The following PDCD1LG2 variants were observed in gnomAD, a reference collection of about 807,000 sequenced individuals.
The protein encoded by PDCD1LG2 is B7 dendritic cell molecule.
Under a neutral mutation model 28.2 loss-of-function variants are expected in PDCD1LG2, and 32 were observed. That is an observed-to-expected ratio of 1.13 (90% CI 0.86 to 1.52). The LOEUF is 1.52. Ranked by LOEUF, PDCD1LG2 falls within the 40% of genes most tolerant of loss-of-function variation. The pLI is 0.00. For synonymous variants in PDCD1LG2, 116 were observed against 120.2 expected (o/e 0.97, Z 0.23); for missense variants, 385 against 323.8 (o/e 1.19, Z -1.45).
intron 1 of PDCD1LG2, among the ~76,000 whole-genome samples, chr9:5,515,929 A>AG (rs1434793801): frequency 7.5e-6 from 1 of 133,216 alleles, no homozygotes; most frequent in Non-Finnish European, 1.7e-5. Flanking sequence ...TCTCAAAAAA[A>AG]AAAAAAAAAA....
intron 3 of PDCD1LG2, among the ~76,000 whole-genome samples, chr9:5,538,865 T>C (rs947553062): frequency 3.9e-5 from 6 of 152,158 alleles, no homozygotes; most frequent in Admixed American, 6.5e-5. Flanking sequence ...ACAATAATTG[T>C]ACTTATTTAT....
At chr9:5,557,795 T>C (rs2129923348) in intron 5 of PDCD1LG2, 43 bp downstream of exon 5, 2 of 1,607,426 alleles carry the variant, frequency 1.2e-6, no homozygotes, top group African/African-American at 1.3e-5. Context: ...ACTGGGTGTC[T>C]GCAGCATGAG....
chr9:5,519,866 C>T (rs1213318736), intron 1 of PDCD1LG2, among the ~76,000 whole-genome samples: 1 of 152,176 alleles, frequency 6.6e-6, no homozygotes, highest in Non-Finnish European at 1.5e-5. Flanking sequence ...TCCCAGATTT[C>T]CCTCTTTTTC....
intron 1 of PDCD1LG2, among the ~76,000 whole-genome samples, chr9:5,513,534 A>C (rs923439380): frequency 4.6e-5 from 7 of 152,246 alleles, no homozygotes; most frequent in African/African-American, 1.7e-4. Context: ...CTCCAATGAT[A>C]AATTATTCTA....
chr9:5,550,952 C>T (rs1278378536), intron 4 of PDCD1LG2, among the ~76,000 whole-genome samples: 3 of 152,156 alleles, frequency 2.0e-5, no homozygotes, highest in Non-Finnish European at 1.5e-5. Flanking sequence ...CTCAGCCTCC[C>T]AAATTGCTAG....
chr9:5,545,916 G>C (rs906021835), intron 3 of PDCD1LG2, among the ~76,000 whole-genome samples: 1 of 152,140 alleles, frequency 6.6e-6, no homozygotes, highest in Non-Finnish European at 1.5e-5. Flanking sequence ...CAGATGACTT[G>C]AATTTTTGGA....
chr9:5,567,295 T>G (rs1816684738), intron 6 of PDCD1LG2, among the ~76,000 whole-genome samples: 1 of 152,224 alleles, frequency 6.6e-6, no homozygotes, highest in Non-Finnish European at 1.5e-5. Context: ...TGAAGTGACT[T>G]GCATAAGGTC....
At chr9:5,562,434 C>T (rs952828670) in intron 5 of PDCD1LG2, among the ~76,000 whole-genome samples, 2 of 152,102 alleles carry the variant, frequency 1.3e-5, no homozygotes, top group African/African-American at 4.8e-5. Context: ...GGGAGCTAAG[C>T]TATGGATATG....
chr9:5,563,557 C>A (rs1816609218), intron 6 of PDCD1LG2, among the ~76,000 whole-genome samples: 1 of 152,198 alleles, frequency 6.6e-6, no homozygotes, highest in Non-Finnish European at 1.5e-5. Context: ...TTAAGAAGTA[C>A]ATTGTTGTGG....
Position 5,557,699 on chromosome 9 carries a change from C to A in PDCD1LG2, c.713C>A (p.Ala238Asp), listed in dbSNP as rs1018311850. 6.2e-7 allele frequency: 1 copy of A among 1,613,792 alleles called. No individual in the cohort carries two copies. Among genetic ancestry groups the A allele is most frequent in the Non-Finnish European group, 8.5e-7 (1 of 1,179,698 alleles). ...TGCATCATTGCTTTCATTTTCATAG[C>A]CACAGTGATAGCCCTAAGAAAACAA... is the stretch of plus-strand genomic sequence containing the variant. ...PFCIIAFIFI[A>D]TVIALRKQLC... The change falls in exon 5 of 7, where the codon GCC becomes GAC. Residue 238 changes from alanine (A) to aspartate (D), a missense_variant. Coordinates refer to ENST00000397747, the MANE Select transcript of PDCD1LG2 (RefSeq NM_025239.4).
At chr9:5,514,772 G>GAAAAAA (rs60002651) in intron 1 of PDCD1LG2, among the ~76,000 whole-genome samples, 5 of 62,354 alleles carry the variant, frequency 8.0e-5, no homozygotes, top group South Asian at 5.8e-4. Flanking sequence ...AGTCTCTAAA[G>GAAAAAA]AAAAAAAAAA....
At chr9:5,541,325 T>G (rs2129830998) in intron 3 of PDCD1LG2, among the ~76,000 whole-genome samples, 1 of 152,242 alleles carries the variant, frequency 6.6e-6, no homozygotes, top group South Asian at 2.1e-4. Context: ...TTTCACCACT[T>G]TTATTCAGCA....
chr9:5,519,869 T>G (rs1299832598), intron 1 of PDCD1LG2, among the ~76,000 whole-genome samples: 1 of 152,242 alleles, frequency 6.6e-6, no homozygotes, highest in African/African-American at 2.4e-5. Flanking sequence ...CAGATTTCCC[T>G]CTTTTTCTCA....
At chr9:5,553,127 AAGGGGAGAGG>A (rs767964276) in intron 4 of PDCD1LG2, among the ~76,000 whole-genome samples, 98 of 152,248 alleles carry the variant, frequency 6.4e-4, no homozygotes, top group Non-Finnish European at 1.2e-3. Context: ...AAGAAAAGGA[AAGGGGAGAGG>A]AGGGGAGAGG....
At chr9:5,517,922 G>A (rs1008008806) in intron 1 of PDCD1LG2, among the ~76,000 whole-genome samples, 4 of 152,184 alleles carry the variant, frequency 2.6e-5, no homozygotes, top group African/African-American at 7.2e-5. Flanking sequence ...GCAGTGAGAA[G>A]GCTCTGCTAT....
chr9:5,570,099 A>G lies in PDCD1LG2; in HGVS notation c.*140A>G. ...TGGATGACCCAGCACTTTAATCTGA[A>G]ACCTGCAACAAGACTAGCCAACACC... On this transcript the variant is annotated 3_prime_UTR_variant, in exon 7 of 7. Coordinates refer to ENST00000397747, the MANE Select transcript of PDCD1LG2 (RefSeq NM_025239.4). 4 of 1,050,298 alleles carry G rather than the reference A, an allele frequency of 3.8e-6. No individual in the cohort carries two copies. Among genetic ancestry groups the G allele is most frequent in the Non-Finnish European group, 5.9e-6 (4 of 682,074 alleles). 65.1% of individuals were successfully genotyped at this position (1,050,298 alleles called of 1,614,324 possible).
chr9:5,571,255 C>A lies in PDCD1LG2; in HGVS notation c.*1296C>A, dbSNP rs1008225575. The A allele has an allele frequency of 3.5e-5, 8 of 231,140 alleles. No individual in the cohort carries two copies. The Admixed American group carries it at 4.5e-4, about 13-fold the overall frequency. 14.3% of individuals were successfully genotyped at this position (231,140 alleles called of 1,614,324 possible). A position where few individuals can be genotyped will look rare whatever the true frequency, so the allele number is the denominator to read the frequency against. On this transcript the variant is annotated 3_prime_UTR_variant, in exon 7 of 7. Coordinates refer to ENST00000397747, the MANE Select transcript of PDCD1LG2 (RefSeq NM_025239.4). Reference sequence around the variant, plus strand: ...ATAAAACTCAATTGTTATTCTTCAACGTTCTTTATATATTCTACTTTTGGG... The same window carrying A: ...ATAAAACTCAATTGTTATTCTTCAAAGTTCTTTATATATTCTACTTTTGGG...
intron 1 of PDCD1LG2, among the ~76,000 whole-genome samples, chr9:5,516,865 G>C (rs1820175797): frequency 6.6e-6 from 1 of 152,208 alleles, no homozygotes; most frequent in Admixed American, 6.5e-5. Context: ...CAACCTTGTG[G>C]GAGCAGGGGA....
chr9:5,557,477 G>C, intron 4 of PDCD1LG2, 141 bp from the exon 5 acceptor site: 5 of 957,244 alleles, frequency 5.2e-6, no homozygotes, highest in South Asian at 4.6e-5. Context: ...GATAGGTGCA[G>C]AGCACTTAGA....
Sources: allele counts gnomAD v4.1 joint callset (sites outside exome capture counted in the v4.1 genomes callset), GRCh38; gene constraint gnomAD v4.1.1; transcripts MANE v1.5; gene names NCBI Gene and HGNC (gene_info 2026-07-23, HGNC 2026-07-21).